ADCY10: variants seen among roughly 807,000 people sequenced by gnomAD.
ADCY10 encodes adenylate cyclase type 10.
A neutral mutation model predicts 183.3 loss-of-function variants in ADCY10; 156 were observed. That is an observed-to-expected ratio of 0.85 (90% CI 0.75 to 0.97). The LOEUF (loss-of-function observed/expected upper bound fraction) is 0.97, where lower values mean the gene tolerates loss of function less well. ADCY10 is among the 50% of genes least tolerant of loss of function. The pLI is 0.00. For missense variants in ADCY10, 1,745 were observed against 1,934.3 expected, an observed-to-expected ratio of 0.90 and a Z score of 1.84; for synonymous variants, 645 against 670.0, an observed-to-expected ratio of 0.96 and a Z score of 0.58.
rs1188498677 is a variant in ADCY10, at chr1:167,845,966, C to G, written c.2716+19G>C. On this transcript the variant is annotated intron_variant, in intron 20 of 32. Coordinates refer to ENST00000367851, the MANE Select transcript of ADCY10 (RefSeq NM_018417.6). ...ATGGGTCCTTAAGAGGAAATTGGGT[C>G]ACTCCAGGTGCTACTCACCCATCCC... 1 of 1,614,114 alleles carries G rather than the reference C, an allele frequency of 6.2e-7. No individual in the cohort carries two copies. Among genetic ancestry groups the G allele is most frequent in the South Asian group, 1.1e-5 (1 of 90,996 alleles).
chr1:167,848,427 C>T lies in ADCY10; in HGVS notation c.2371G>A (p.Glu791Lys), dbSNP rs1208896854. Residue 791 changes from glutamate to lysine, a missense_variant, in exon 19 of 33, where the codon GAA (glutamate) becomes AAA (lysine). Physicochemically the swap from Glu to Lys is moderately conservative, Grantham distance 56. Coordinates refer to ENST00000367851, the MANE Select transcript of ADCY10 (RefSeq NM_018417.6). ...MVTLHSDKES[E>K]EVCHLTSGVR... ...CCACTTGTGAGGTGACAGACTTCTT[C>T]ACTTTCCTTATCACTATGGAGAGTA... 6.2e-7 allele frequency: 1 copy of T among 1,613,942 alleles called. No homozygotes were observed. The highest frequency in any genetic ancestry group is 1.7e-5 in the Admixed American group (1 of 60,030).
chr1:167,883,882 C>T (rs1668040355), intron 8 of ADCY10, among the ~76,000 whole-genome samples: 1 of 152,196 alleles, frequency 6.6e-6, no homozygotes, highest in African/African-American at 2.4e-5. Flanking sequence ...CTGGCTTCCT[C>T]ATGCCAATAT....
chr1:167,883,946 A>T (rs1309383070), intron 8 of ADCY10, among the ~76,000 whole-genome samples: 1 of 152,142 alleles, frequency 6.6e-6, no homozygotes, highest in Non-Finnish European at 1.5e-5. Flanking sequence ...TCCTATTTTT[A>T]AAAAAATTTA....
chr1:167,894,274 C>A (rs1668807952), intron 7 of ADCY10, among the ~76,000 whole-genome samples: 1 of 152,070 alleles, frequency 6.6e-6, no homozygotes, highest in African/African-American at 2.4e-5. Context: ...GAGGGAATGA[C>A]AAGAGAGGAG....
chr1:167,846,018 G>T lies in ADCY10; in HGVS notation c.2683C>A (p.Arg895Ser). The stretch of plus-strand genomic sequence containing the variant: ...TCACTGGGCTTCAGAGACAAGGAAC[G>T]ATAGTGCACCTCAAATGAGGGATCA... ...QNDPSFEVHY[R>S]SLSLKPSEGM... The change falls in exon 20 of 33, where the codon CGT becomes AGT. Residue 895 changes from arginine (R) to serine (S), a missense_variant. Physicochemically the swap from Arg to Ser is moderately radical, Grantham distance 110. Transcript: ENST00000367851. 2.5e-6 allele frequency: 4 copies of T among 1,614,204 alleles called. No homozygotes were observed. The highest frequency in any genetic ancestry group is 3.4e-6 in the Non-Finnish European group (4 of 1,180,038).
At chr1:167,826,691 T>G (rs1483437563) in intron 26 of ADCY10, among the ~76,000 whole-genome samples, 1 of 152,220 alleles carries the variant, frequency 6.6e-6, no homozygotes, top group African/African-American at 2.4e-5. Flanking sequence ...AAGAGGTCCT[T>G]GCTTCCAAGG....
intron 8 of ADCY10, among the ~76,000 whole-genome samples, chr1:167,885,095 T>C (rs1234498991): frequency 6.6e-6 from 1 of 151,120 alleles, no homozygotes; most frequent in African/African-American, 2.4e-5. Flanking sequence ...TCCACTTCCA[T>C]CCACGTTGTT....
At chr1:167,852,885 T>C (rs1188532266) in intron 18 of ADCY10, among the ~76,000 whole-genome samples, 1 of 152,126 alleles carries the variant, frequency 6.6e-6, no homozygotes, top group African/African-American at 2.4e-5. Context: ...GTCATGCTAT[T>C]GAACAAGAAG....
chr1:167,833,095 T>A lies in ADCY10; in HGVS notation c.3485A>T (p.Asn1162Ile), dbSNP rs753001766. 6.2e-7 allele frequency: 1 copy of A among 1,614,118 alleles called. No homozygotes were observed. The highest frequency in any genetic ancestry group is 1.1e-5 in the South Asian group (1 of 91,088). The change falls in exon 25 of 33, where the codon AAC (asparagine) becomes ATC (isoleucine). Residue 1162 changes from asparagine to isoleucine, a missense_variant. Transcript: ENST00000367851. ...GATTAAGTTGTAAGGAAAGATTCGG[T>A]TGAGGAGCTTCAGTGCCTTCCTCAG... The part of the protein sequence containing the change: ...KMLRKALKLL[N>I]RIFPYNLISL...
chr1:167,871,424 A>C (rs1421153126), intron 13 of ADCY10, among the ~76,000 whole-genome samples: 2 of 152,232 alleles, frequency 1.3e-5, no homozygotes, highest in Non-Finnish European at 2.9e-5. Flanking sequence ...AAAACTTGGA[A>C]AAGAAAAAAA....
At chr1:167,858,395 G>A (rs1290413098) in intron 16 of ADCY10, among the ~76,000 whole-genome samples, 5 of 151,630 alleles carry the variant, frequency 3.3e-5, no homozygotes, top group Non-Finnish European at 7.4e-5. Context: ...CTAGTCGGGA[G>A]GCTGAGGCAG....
intron 6 of ADCY10, among the ~76,000 whole-genome samples, chr1:167,897,640 C>A (rs78106823): frequency 0.14 from 3,276 of 24,090 alleles, 1,638 homozygotes; most frequent in South Asian, 0.2. Context: ...TCTTGTGTCA[C>A]GGTCACTGCA....
intron 21 of ADCY10, among the ~76,000 whole-genome samples, chr1:167,842,829 T>C (rs1315651691): frequency 1.3e-5 from 2 of 152,138 alleles, no homozygotes; most frequent in African/African-American, 2.4e-5. Flanking sequence ...AGAATTTGAT[T>C]TTCTTAAAAA....
In ADCY10 at chr1:167,859,887, T is replaced by C. The variant is rs774101567; in HGVS notation, c.1816A>G (p.Ile606Val). 1.9e-6 allele frequency: 3 copies of C among 1,607,226 alleles called. No individual in the cohort carries two copies. Among genetic ancestry groups the C allele is most frequent in the African/African-American group, 1.3e-5 (1 of 74,876 alleles). The change falls in exon 16 of 33, where the codon ATT becomes GTT. Residue 606 changes from isoleucine (I) to valine (V), a missense_variant. Coordinates refer to ENST00000367851, the MANE Select transcript of ADCY10 (RefSeq NM_018417.6). ...LNDIFHVQFP[I>V]SREISRMSTL... Reference sequence around the variant, plus strand: ...CTCATCCTGGAAATCTCCCGAGAAATAGGGAACTGTACAAAGAATTATGAG... The same window carrying C: ...CTCATCCTGGAAATCTCCCGAGAAACAGGGAACTGTACAAAGAATTATGAG...
At position 167,883,091 on chromosome 1, in the gene ADCY10, G is replaced by A. The variant is rs960772112; in HGVS notation, c.1020+346C>T. 5.9e-5 allele frequency among the ~76,000 whole-genome samples: 9 copies of A among 152,224 alleles called. No individual in the cohort carries two copies. The East Asian group carries it at 1.5e-3, about 26-fold the overall frequency. On this transcript the variant is annotated intron_variant, in intron 9 of 32. Coordinates refer to ENST00000367851, the MANE Select transcript of ADCY10 (RefSeq NM_018417.6). ...CTCACGCTATAGCCCAGGCTGGAGC[G>A]CAGTGGTGCGATCTCGGCTCACTGC...
chr1:167,841,402 T>C (rs927050670), intron 21 of ADCY10, among the ~76,000 whole-genome samples: 11 of 152,072 alleles, frequency 7.2e-5, no homozygotes, highest in African/African-American at 2.4e-4. Flanking sequence ...ACATGAATCT[T>C]GCTTTGCAGT....
chr1:167,856,513 T>C, intron 16 of ADCY10, 74 bp from the exon 17 acceptor site: 1 of 1,461,266 alleles, frequency 6.8e-7, no homozygotes, highest in Non-Finnish European at 9.5e-7. Context: ...TGGGTATGCA[T>C]ATGTATCCAT....
intron 8 of ADCY10, among the ~76,000 whole-genome samples, chr1:167,886,918 T>G (rs931227219): frequency 6.6e-6 from 1 of 152,206 alleles, no homozygotes; most frequent in Non-Finnish European, 1.5e-5. Flanking sequence ...AAGAAGACAT[T>G]TATGCAGCCA....
At position 167,840,355 on chromosome 1, in the gene ADCY10, ATTATTAT is replaced by A. The variant is rs1456469650; in HGVS notation, c.3008-3044_3008-3038del. The stretch of plus-strand genomic sequence containing the variant: ...GTCATTTATTGCTTGGGTGAATCAT[ATTATTAT>A]TACTATTTTTTTTGGATGGAGTTTC... On this transcript the variant is annotated intron_variant, in intron 21 of 32. Coordinates refer to ENST00000367851, the MANE Select transcript of ADCY10 (RefSeq NM_018417.6). Among the ~76,000 whole-genome samples, 6 of 96,256 alleles carry A rather than the reference ATTATTAT, an allele frequency of 6.2e-5. No homozygotes were observed. In the East Asian group the frequency reaches 7.3e-4, roughly 12 times the overall value. 63.1% of individuals were successfully genotyped at this position (96,256 alleles called of 152,430 possible). A position where few individuals can be genotyped will look rare whatever the true frequency, so the allele number is the denominator to read the frequency against.
Sources: allele counts gnomAD v4.1 joint callset (sites outside exome capture counted in the v4.1 genomes callset), GRCh38; gene constraint gnomAD v4.1.1; transcripts MANE v1.5; gene names NCBI Gene and HGNC (gene_info 2026-07-23, HGNC 2026-07-21).